Variants in NEBL observed in about 807,000 individuals in gnomAD.
The protein encoded by NEBL is nebulette.
A neutral mutation model predicts 140.2 loss-of-function variants in NEBL; 122 were observed. That is an observed-to-expected ratio of 0.87 (90% CI 0.75 to 1.01). The LOEUF is 1.01. NEBL is among the 50% of genes least tolerant of loss of function. NEBL has a pLI of 0.00. For missense variants in NEBL, 1,365 were observed against 1,231.3 expected (o/e 1.11, Z -1.62); for synonymous variants, 436 against 398.9 (o/e 1.09, Z -1.11).
At chr10:20,806,334 T>A (rs1171355743) in intron 26 of NEBL, among the ~76,000 whole-genome samples, 1 of 152,206 alleles carries the variant, frequency 6.6e-6, no homozygotes, top group East Asian at 1.9e-4. Context: ...ATTTCCAAAC[T>A]GACCTCGGGT....
intron 13 of NEBL, among the ~76,000 whole-genome samples, chr10:20,839,595 A>C (rs1489169890): frequency 6.6e-6 from 1 of 152,198 alleles, no homozygotes; most frequent in Non-Finnish European, 1.5e-5. Flanking sequence ...TTATTTAAAG[A>C]ATGTGAATAT....
intron 2 of NEBL, among the ~76,000 whole-genome samples, chr10:21,062,592 C>G (rs1451076203): frequency 2.6e-5 from 4 of 152,036 alleles, no homozygotes; most frequent in Non-Finnish European, 5.9e-5. Flanking sequence ...GATGCTGAGA[C>G]AGGAGGATCG....
In NEBL at chr10:20,858,246, G is replaced by A. The variant is rs1261901199; in HGVS notation, c.897C>T (p.Leu299=). Residue 299 remains leucine, a synonymous_variant, in exon 9 of 28, where the codon CTC becomes CTT. Coordinates refer to ENST00000377122, the MANE Select transcript of NEBL (RefSeq NM_006393.3). The stretch of plus-strand genomic sequence containing the variant: ...CGCTAGATGAACCACTTACGCCGCT[G>A]AGCATTTTGCTGGCTTTCAAAACAT... ...LDHVLKASKM[L]SGREYKKLFE... is the part of the protein sequence containing the mutation. 3 of 1,600,402 alleles carry A rather than the reference G, an allele frequency of 1.9e-6. No individual in the cohort carries two copies. The highest frequency in any genetic ancestry group is 1.7e-5 in the Admixed American group (1 of 59,964).
intron 11 of NEBL, among the ~76,000 whole-genome samples, 197 bp downstream of exon 11, chr10:20,850,198 G>A (rs567849657): frequency 6.6e-6 from 1 of 152,300 alleles, no homozygotes; most frequent in South Asian, 2.1e-4. Context: ...ATTCACCAAT[G>A]AGAGAAGCTA....
At chr10:21,020,728 TGTC>T (rs1243578999) in intron 2 of NEBL, among the ~76,000 whole-genome samples, 6 of 152,140 alleles carry the variant, frequency 3.9e-5, no homozygotes, top group Admixed American at 3.9e-4. Context: ...CATCTTGAAA[TGTC>T]GTCTCCCCGG....
At chr10:21,245,450 T>C (rs1313151786) in intron 3 of NEBL, among the ~76,000 whole-genome samples, 1 of 152,236 alleles carries the variant, frequency 6.6e-6, no homozygotes, top group Non-Finnish European at 1.5e-5. Flanking sequence ...CTATAAGAAG[T>C]CTGCCCCGGT....
At chr10:21,191,827 C>A (rs1006000488) in intron 3 of NEBL, among the ~76,000 whole-genome samples, 3 of 152,168 alleles carry the variant, frequency 2.0e-5, no homozygotes, top group African/African-American at 7.2e-5. Context: ...GACATGCTTT[C>A]CCACAAAGCA....
intron 2 of NEBL, among the ~76,000 whole-genome samples, chr10:21,169,062 AAAAAAATATATATAT>A (rs1414552064): frequency 0.023 from 1,315 of 57,574 alleles, 36 homozygotes; most frequent in Non-Finnish European, 0.034. Context: ...AAAAAAAAAA[AAAAAAATATATATAT>A]ATATATATAT....
At chr10:21,020,544 C>G (rs1020853312) in intron 2 of NEBL, among the ~76,000 whole-genome samples, 2 of 152,172 alleles carry the variant, frequency 1.3e-5, no homozygotes, top group Admixed American at 6.5e-5. Flanking sequence ...ACCAAACTTC[C>G]TGACAAAGAA....
chr10:21,036,400 GCCATAA>G (rs1834018657), intron 2 of NEBL, among the ~76,000 whole-genome samples: 1 of 152,076 alleles, frequency 6.6e-6, no homozygotes, highest in Non-Finnish European at 1.5e-5. Context: ...CCTGCAGTGA[GCCATAA>G]TTGCACCTCT....
At chr10:20,845,114 C>A (rs1440538438) in intron 12 of NEBL, 144 bp downstream of exon 12, 1 of 589,890 alleles carries the variant, frequency 1.7e-6, no homozygotes, top group Non-Finnish European at 3.0e-6. Context: ...AAATGCAACA[C>A]TTTATTAGTG....
chr10:21,098,156 G>T (rs141637099), intron 2 of NEBL, among the ~76,000 whole-genome samples: 1 of 152,148 alleles, frequency 6.6e-6, no homozygotes, highest in African/African-American at 2.4e-5. Context: ...AAGCTGCAGG[G>T]CCCTTTCATG....
intron 2 of NEBL, among the ~76,000 whole-genome samples, chr10:21,084,304 T>C (rs1442626733): frequency 6.6e-6 from 1 of 152,276 alleles, no homozygotes; most frequent in African/African-American, 2.4e-5. Context: ...GCTTTATGTC[T>C]GTATGGCTTG....
At chr10:20,971,612 A>AT (rs1232484471) in intron 3 of NEBL, among the ~76,000 whole-genome samples, 3,849 of 70,990 alleles carry the variant, frequency 0.054, 271 homozygotes, top group East Asian at 0.36. Flanking sequence ...CAACCCTAGA[A>AT]TTTTTTTTTT....
intron 3 of NEBL, among the ~76,000 whole-genome samples, chr10:21,193,471 G>A (rs1489529636): frequency 6.6e-6 from 1 of 152,080 alleles, no homozygotes; most frequent in Non-Finnish European, 1.5e-5. Flanking sequence ...CCCACGCTTG[G>A]ATGATACAAT....
intron 21 of NEBL, among the ~76,000 whole-genome samples, chr10:20,816,990 T>C (rs1449664154): frequency 6.6e-6 from 1 of 152,134 alleles, no homozygotes; most frequent in Non-Finnish European, 1.5e-5. Flanking sequence ...TGTTTGTTTG[T>C]AGGGCCAGGA....
intron 27 of NEBL, among the ~76,000 whole-genome samples, chr10:20,786,930 A>T (rs1347648771): frequency 6.6e-6 from 1 of 152,220 alleles, no homozygotes; most frequent in Non-Finnish European, 1.5e-5. Flanking sequence ...GGCTAGTACC[A>T]ATCATGAAGT....
chr10:21,215,265 C>T (rs917410637), intron 3 of NEBL, among the ~76,000 whole-genome samples: 9 of 152,086 alleles, frequency 5.9e-5, no homozygotes, highest in African/African-American at 7.2e-5. Flanking sequence ...GCTATGATCA[C>T]GCCACTGTAC....
chr10:21,094,499 C>CAAAAA (rs72278772), intron 2 of NEBL, among the ~76,000 whole-genome samples: 4 of 63,212 alleles, frequency 6.3e-5, no homozygotes, highest in South Asian at 7.0e-4. Flanking sequence ...GACTCCGTCT[C>CAAAAA]AAAAAAAAAA....
Sources: allele counts gnomAD v4.1 joint callset (sites outside exome capture counted in the v4.1 genomes callset), GRCh38; gene constraint gnomAD v4.1.1; transcripts MANE v1.5; gene names NCBI Gene and HGNC (gene_info 2026-07-23, HGNC 2026-07-21).